B9D2: variants seen among roughly 807,000 people sequenced by gnomAD.
B9D2 encodes B9 domain containing 2, also known as B9 domain-containing protein 2.
B9D2 carries 21 observed loss-of-function variants against 19.2 expected under a neutral mutation model. That is an observed-to-expected ratio of 1.09 (90% CI 0.78 to 1.58). The LOEUF is 1.58. Ranked by LOEUF, B9D2 falls within the 40% of genes most tolerant of loss-of-function variation. The pLI, the probability that B9D2 is intolerant of heterozygous loss-of-function variation, is 0.00. For missense variants in B9D2, 221 were observed against 244.3 expected, an observed-to-expected ratio of 0.90 and a Z score of 0.64; for synonymous variants, 91 against 100.6, an observed-to-expected ratio of 0.90 and a Z score of 0.57.
At chr19:41,363,898 GTTATGAGTT>G (rs1232937557) in intron 1 of B9D2, 51 bp downstream of exon 1, 5 of 469,734 alleles carry the variant, frequency 1.1e-5, no homozygotes. Flanking sequence ...AGGCGCATGC[GTTATGAGTT>G]CAGGTCCGAC....
chr19:41,358,644 C>G (rs1384956367), intron 2 of B9D2, among the ~76,000 whole-genome samples: 2 of 152,174 alleles, frequency 1.3e-5, no homozygotes, highest in Admixed American at 6.6e-5. Context: ...CAAGGGTACC[C>G]TCCAGGAGCG....
chr19:41,358,085 G>T, intron 2 of B9D2, 63 bp from the exon 3 acceptor site: 1 of 1,606,734 alleles, frequency 6.2e-7, no homozygotes. Context: ...ATGCCGCTGT[G>T]GCTATAGGAC....
At chr19:41,363,632 G>A (rs2038452136) in intron 1 of B9D2, 109 bp from the exon 2 acceptor site, 2 of 1,003,100 alleles carry the variant, frequency 2.0e-6, no homozygotes, top group Non-Finnish European at 1.5e-6. Flanking sequence ...AGGATTCCAA[G>A]CTAGCTTCGT....
At chr19:41,359,168 C>G (rs61003227) in intron 2 of B9D2, among the ~76,000 whole-genome samples, 1 of 152,030 alleles carries the variant, frequency 6.6e-6, no homozygotes, top group Non-Finnish European at 1.5e-5. Context: ...CAGTGACTCA[C>G]GCCTGTAATC....
intron 2 of B9D2, among the ~76,000 whole-genome samples, chr19:41,362,136 C>A (rs2038415538): frequency 6.8e-6 from 1 of 147,604 alleles, no homozygotes; most frequent in Non-Finnish European, 1.5e-5. Flanking sequence ...GTAATCCCAG[C>A]ACTTTGGGAG....
rs746928334 is a variant in B9D2 at position 41,357,954 on chromosome 19, C to T, written c.157G>A (p.Asp53Asn). 1.2e-6 allele frequency: 2 copies of T among 1,613,998 alleles called. No homozygotes were observed. The highest frequency in any genetic ancestry group is 2.7e-5 in the African/African-American group (2 of 74,918). The change falls in exon 3 of 4, where the codon GAC (aspartate) becomes AAC (asparagine). Residue 53 changes from aspartate to asparagine, a missense_variant. Coordinates refer to ENST00000243578, the MANE Select transcript of B9D2 (RefSeq NM_030578.4). ...QTQVDTPQIG[D>N]MAYWSHPIDL... ...ATGGGGTGGGACCAGTAAGCCATGTCCCCTATCTGCGGGGTGTCCACTTGC... is the reference window on the plus strand; with the variant it reads ...ATGGGGTGGGACCAGTAAGCCATGTTCCCTATCTGCGGGGTGTCCACTTGC...
At chr19:41,359,068 A>C (rs1293545298) in intron 2 of B9D2, among the ~76,000 whole-genome samples, 1 of 151,954 alleles carries the variant, frequency 6.6e-6, no homozygotes, top group African/African-American at 2.4e-5. Context: ...TCGCTGGAAA[A>C]GCTGCAGTGA....
intron 3 of B9D2, among the ~76,000 whole-genome samples, 196 bp from the exon 4 acceptor site, chr19:41,355,209 C>G (rs1187164758): frequency 1.3e-5 from 2 of 152,204 alleles, no homozygotes. Flanking sequence ...CCAAAGTGAT[C>G]TTTCCAAATC....
At chr19:41,362,733 C>G (rs1027027162) in intron 2 of B9D2, among the ~76,000 whole-genome samples, 1 of 152,166 alleles carries the variant, frequency 6.6e-6, no homozygotes, top group Non-Finnish European at 1.5e-5. Flanking sequence ...TGGTTTTGAA[C>G]CCAGGCAGTC....
At chr19:41,355,549 G>A (rs1011666003) in intron 3 of B9D2, among the ~76,000 whole-genome samples, 2 of 152,156 alleles carry the variant, frequency 1.3e-5, no homozygotes, top group Non-Finnish European at 2.9e-5. Context: ...CTTTGCCCAT[G>A]TCCTCAGAAC....
Position 41,355,009 on chromosome 19 carries a change from C to A in B9D2, c.219G>T (p.Trp73Cys), listed in dbSNP as rs1413211868. The change falls in exon 4 of 4, where the codon TGG (tryptophan) becomes TGT (cysteine). Residue 73 changes from tryptophan (W) to cysteine (C), a missense_variant. Trp to Cys is a radical substitution (Grantham distance 215, BLOSUM62 -2). Coordinates refer to ENST00000243578, the MANE Select transcript of B9D2 (RefSeq NM_030578.4). ...LHFATKGLQG[W>C]PRLHFQVWSQ... ...ACCACACCTGGAAATGGAGCCGGGG[C>A]CAGCCTGCAGGAAAGGAGAGAGAGG... 2 of 1,592,066 alleles carry A rather than the reference C, an allele frequency of 1.3e-6. No homozygotes were observed. The highest frequency in any genetic ancestry group is 1.7e-5 in the Admixed American group (1 of 57,962).
At chr19:41,363,039 G>C (rs1016965920) in intron 2 of B9D2, 8 of 257,438 alleles carry the variant, frequency 3.1e-5, no homozygotes, top group Non-Finnish European at 5.5e-5. Context: ...GAGCGCAGGA[G>C]TTCGAGACCA....
chr19:41,360,214 C>T (rs1223316435), intron 2 of B9D2, among the ~76,000 whole-genome samples: 1 of 152,164 alleles, frequency 6.6e-6, no homozygotes, highest in Non-Finnish European at 1.5e-5. Context: ...CTCCCTCTGT[C>T]ACCCAGGCTG....
chr19:41,354,723 C>G lies in B9D2; in HGVS notation c.505G>C (p.Asp169His). 2 of 1,614,032 alleles carry G rather than the reference C, an allele frequency of 1.2e-6. No individual in the cohort carries two copies. Among genetic ancestry groups the G allele is most frequent in the East Asian group, 2.2e-5 (1 of 44,892 alleles). Residue 169 changes from aspartate to histidine, a missense_variant, in exon 4 of 4, where the codon GAC (aspartate) becomes CAC (histidine). Physicochemically the swap from Asp to His is moderately conservative, Grantham distance 81. Coordinates refer to ENST00000243578, the MANE Select transcript of B9D2 (RefSeq NM_030578.4). ...CCTCAGCACTCCACGCCGTAGCGGT[C>G]GAAGTTGCGGAGCAGCAGGCCGATC... The part of the protein sequence containing the change: ...LEIGLLLRNF[D>H]RYGVEC
In B9D2 at chr19:41,363,485, C is replaced by T. The variant is rs752592546; in HGVS notation, c.35G>A (p.Gly12Glu). ...AEVHVIGQIIGASGFSESSLF... is the reference protein window; with the variant it reads ...AEVHVIGQIIEASGFSESSLF... ...GCTACTTTCCGAGAAACCGCTGGCCCCTATGATCTGCCCGATCACGTGCAC... is the reference window on the plus strand; with the variant it reads ...GCTACTTTCCGAGAAACCGCTGGCCTCTATGATCTGCCCGATCACGTGCAC... Residue 12 changes from glycine (G) to glutamate (E), a missense_variant, in exon 2 of 4, where the codon GGG becomes GAG. Gly to Glu is a moderately conservative substitution (Grantham distance 98). Coordinates refer to ENST00000243578, the MANE Select transcript of B9D2 (RefSeq NM_030578.4). The T allele has an allele frequency of 6.2e-7, 1 of 1,614,138 alleles. No individual in the cohort carries two copies. The highest frequency in any genetic ancestry group is 1.7e-5 in the Admixed American group (1 of 60,004).
Position 41,354,851 on chromosome 19 carries a change from G to C in B9D2, c.377C>G (p.Ala126Gly). 1 of 1,613,958 alleles carries C rather than the reference G, an allele frequency of 6.2e-7. No homozygotes were observed. The highest frequency in any genetic ancestry group is 1.3e-5 in the African/African-American group (1 of 75,056). Residue 126 changes from alanine to glycine, a missense_variant, in exon 4 of 4, where the codon GCT becomes GGT. Coordinates refer to ENST00000243578, the MANE Select transcript of B9D2 (RefSeq NM_030578.4). ...CAGCTGCGGCCCACCACCCACGAAA[G>C]CCCGTGCCAACTGTTCTCGCCAACT... is the stretch of plus-strand genomic sequence containing the variant. The part of the protein sequence containing the change: ...LGSWREQLAR[A>G]FVGGGPQLLH...
chr19:41,356,609 C>T (rs902860532), intron 3 of B9D2, among the ~76,000 whole-genome samples: 6 of 151,728 alleles, frequency 4.0e-5, no homozygotes, highest in Admixed American at 2.0e-4. Flanking sequence ...TTTGGGAGGC[C>T]GAGGCAGGTG....
intron 3 of B9D2, among the ~76,000 whole-genome samples, chr19:41,355,617 C>T (rs2123127768): frequency 6.6e-6 from 1 of 152,348 alleles, no homozygotes; most frequent in South Asian, 2.1e-4. Flanking sequence ...CCCATCTCAT[C>T]TCATGCTGAT....
intron 3 of B9D2, among the ~76,000 whole-genome samples, chr19:41,356,346 ATG>A (rs1170998939): frequency 6.6e-6 from 1 of 152,114 alleles, no homozygotes; most frequent in African/African-American, 2.4e-5. Flanking sequence ...GGGATTTAGG[ATG>A]TATTTCAAAA....
Sources: allele counts gnomAD v4.1 joint callset (sites outside exome capture counted in the v4.1 genomes callset), GRCh38; gene constraint gnomAD v4.1.1; transcripts MANE v1.5; gene names NCBI Gene and HGNC (gene_info 2026-07-23, HGNC 2026-07-21).